Variants in COG5 observed in about 807,000 individuals in gnomAD.
The protein encoded by COG5 is conserved oligomeric Golgi complex subunit 5.
COG5 carries 86 observed loss-of-function variants against 110.4 expected under a neutral mutation model. That is an observed-to-expected ratio of 0.78 (90% CI 0.65 to 0.93). The LOEUF (loss-of-function observed/expected upper bound fraction) is 0.93. Among genes scored for constraint, COG5 ranks in the 40% least tolerant of loss-of-function variants. The pLI is 0.00. For missense variants in COG5, 1,077 were observed against 987.0 expected (o/e 1.09, Z -1.22); for synonymous variants, 360 against 334.6 (o/e 1.08, Z -0.83).
Position 107,283,623 on chromosome 7 carries a change from G to A in COG5, c.1423C>T (p.Arg475Cys), listed in dbSNP as rs751598750. 3.1e-6 allele frequency: 5 copies of A among 1,613,748 alleles called. No homozygotes were observed. The highest frequency in any genetic ancestry group is 2.2e-5 in the South Asian group (2 of 91,072). The change falls in exon 13 of 22, where the codon CGT becomes TGT. Residue 475 changes from arginine to cysteine, a missense_variant. Transcript: ENST00000297135. ...AGTTCATCAGAGGAAGGAGGATTAC[G>A]ACCACCCGGGGGAAAAACCAAGTTG... ...PINLVFPPGG[R>C]NPPSSDELDG... is the part of the protein sequence containing the mutation.
At chr7:107,467,145 T>C (rs1316593664) in intron 6 of COG5, among the ~76,000 whole-genome samples, 3 of 152,198 alleles carry the variant, frequency 2.0e-5, no homozygotes, top group Non-Finnish European at 4.4e-5. Context: ...TATTTATAAC[T>C]AAAAAGAAAA....
chr7:107,429,670 T>C (rs1563029738), intron 6 of COG5, among the ~76,000 whole-genome samples: 1 of 152,126 alleles, frequency 6.6e-6, no homozygotes, highest in Non-Finnish European at 1.5e-5. Context: ...AATTCCCACA[T>C]GTTGTGAGAG....
At chr7:107,456,828 A>G (rs1282184530) in intron 6 of COG5, among the ~76,000 whole-genome samples, 3 of 152,216 alleles carry the variant, frequency 2.0e-5, no homozygotes. Flanking sequence ...AAAGGGAGAT[A>G]CCATTAAATA....
chr7:107,236,649 G>T lies in COG5; in HGVS notation c.1892C>A (p.Ser631Tyr). ...SSSGKPDVPC[S>Y]LYMKELQGFI... ...ACCTTGTAGCTCCTTCATGTACAGA[G>T]AACAAGGAACATCAGGTTTTCCTGA... Residue 631 changes from serine (S) to tyrosine (Y), a missense_variant, in exon 18 of 22, where the codon TCT becomes TAT. Ser to Tyr is a moderately radical substitution (Grantham distance 144). Transcript: ENST00000297135. 6.2e-7 allele frequency: 1 copy of T among 1,614,026 alleles called. No homozygotes were observed. Among genetic ancestry groups the T allele is most frequent in the South Asian group, 1.1e-5 (1 of 91,070 alleles).
chr7:107,398,455 T>C (rs766048077), intron 7 of COG5, among the ~76,000 whole-genome samples: 4 of 152,184 alleles, frequency 2.6e-5, no homozygotes. Context: ...TCGATTCTCA[T>C]AGGAGTGCGA....
intron 10 of COG5, among the ~76,000 whole-genome samples, chr7:107,337,622 G>T (rs1264193839): frequency 1.3e-5 from 2 of 151,974 alleles, no homozygotes; most frequent in Non-Finnish European, 2.9e-5. Flanking sequence ...AGAGAAGAAG[G>T]ATAGATATCA....
chr7:107,252,878 G>C (rs1267078098), intron 16 of COG5, among the ~76,000 whole-genome samples: 1 of 151,972 alleles, frequency 6.6e-6, no homozygotes. Flanking sequence ...ATAAAAAATA[G>C]AAAACTAAGA....
intron 6 of COG5, among the ~76,000 whole-genome samples, chr7:107,415,794 A>ATGTGTGTG (rs1357363396): frequency 1.4e-5 from 2 of 138,202 alleles, no homozygotes; most frequent in South Asian, 4.5e-4. Context: ...ACACGTATGT[A>ATGTGTGTG]TGTATGTGTG....
At chr7:107,424,796 A>G (rs769641011) in intron 6 of COG5, among the ~76,000 whole-genome samples, 4 of 152,194 alleles carry the variant, frequency 2.6e-5, no homozygotes, top group African/African-American at 7.2e-5. Flanking sequence ...ATACCCTTAT[A>G]TACATTAAAG....
chr7:107,489,666 G>A lies in COG5; in HGVS notation c.538+37571C>T, dbSNP rs149741790. Among the ~76,000 whole-genome samples, 33 of 152,226 alleles carry A rather than the reference G, an allele frequency of 2.2e-4. No individual in the cohort carries two copies. In the East Asian group the frequency reaches 5.8e-3, roughly 27 times the overall value. The stretch of plus-strand genomic sequence containing the variant: ...CTCAAATACTTACTTCAGAATGCAC[G>A]TTAAGTATGTAACATAATAACTACT... On this transcript the variant is annotated intron_variant, in intron 6 of 21. Coordinates refer to ENST00000297135, the MANE Select transcript of COG5 (RefSeq NM_006348.5).
rs867738238 is a variant in COG5 at position 107,295,038 on chromosome 7, T to C, written c.1313+3104A>G. On this transcript the variant is annotated intron_variant, in intron 12 of 21. Coordinates refer to ENST00000297135, the MANE Select transcript of COG5 (RefSeq NM_006348.5). ...ACACATATATATATACACACACATA[T>C]ACACACACACACACACACACACACA... is the stretch of plus-strand genomic sequence containing the variant. Among the ~76,000 whole-genome samples, 418 of 53,420 alleles carry C rather than the reference T, an allele frequency of 7.8e-3. 7 individuals are homozygous for C. The highest frequency in any genetic ancestry group is 0.019 in the Admixed American group (60 of 3,178). The allele number at this position is 53,420 out of a possible 152,430, so 35.0% of individuals were successfully genotyped here.
chr7:107,256,389 CA>C (rs1210862010), intron 16 of COG5, among the ~76,000 whole-genome samples: 1 of 152,088 alleles, frequency 6.6e-6, no homozygotes, highest in Non-Finnish European at 1.5e-5. Flanking sequence ...CAGATGCTGT[CA>C]AATGTCACCT....
intron 11 of COG5, among the ~76,000 whole-genome samples, chr7:107,316,347 T>C (rs190660366): frequency 7.2e-4 from 109 of 152,056 alleles, no homozygotes; most frequent in African/African-American, 2.6e-3. Flanking sequence ...ACCAGGTAAA[T>C]GGGTGACCTT....
chr7:107,459,433 C>G (rs1347466300), intron 6 of COG5, among the ~76,000 whole-genome samples: 2 of 151,912 alleles, frequency 1.3e-5, no homozygotes, highest in Non-Finnish European at 2.9e-5. Flanking sequence ...ACTGACAAAT[C>G]TGCAATTATA....
intron 6 of COG5, among the ~76,000 whole-genome samples, chr7:107,495,167 G>A (rs1015411): frequency 0.26 from 40,276 of 152,002 alleles, 5,473 homozygotes; most frequent in East Asian, 0.33. Flanking sequence ...CTAACTTGCG[G>A]TGTCAGAGGA....
intron 16 of COG5, among the ~76,000 whole-genome samples, chr7:107,248,931 T>C (rs1217505621): frequency 1.3e-5 from 2 of 152,174 alleles, no homozygotes; most frequent in Admixed American, 6.5e-5. Flanking sequence ...TAAACAGACA[T>C]TGATTCTTTT....
chr7:107,318,283 C>G (rs1808940218), intron 11 of COG5, among the ~76,000 whole-genome samples: 1 of 152,118 alleles, frequency 6.6e-6, no homozygotes, highest in Admixed American at 6.5e-5. Context: ...ACCTTGGCCT[C>G]CCAAAGTGCT....
In COG5 at chr7:107,380,338, A is replaced by T. The variant is rs185041804; in HGVS notation, c.670-7578T>A. Among the ~76,000 whole-genome samples the T allele has an allele frequency of 3.3e-3, 505 of 152,302 alleles. 3 individuals carry two copies. The highest frequency in any genetic ancestry group is 0.012 in the African/African-American group (481 of 41,558). ...CAGAGCAGAACTGAAGGAGATACAG[A>T]CACGAAAAACCCTTAAAAAAAAATC... On this transcript the variant is annotated intron_variant, in intron 7 of 21. Transcript: ENST00000297135.
At chr7:107,380,042 CA>C (rs1814977607) in intron 7 of COG5, among the ~76,000 whole-genome samples, 1 of 152,170 alleles carries the variant, frequency 6.6e-6, no homozygotes, top group Non-Finnish European at 1.5e-5. Context: ...CACTGCTCAG[CA>C]AATGCAAAAG....
Sources: allele counts gnomAD v4.1 joint callset (sites outside exome capture counted in the v4.1 genomes callset), GRCh38; gene constraint gnomAD v4.1.1; transcripts MANE v1.5; gene names NCBI Gene and HGNC (gene_info 2026-07-23, HGNC 2026-07-21).